ZNF384: variants seen among roughly 807,000 people sequenced by gnomAD.
ZNF384 encodes the protein zinc finger protein 384.
ZNF384 carries 20 observed loss-of-function variants against 65.0 expected under a neutral mutation model. The observed-to-expected ratio is 0.31, with a 90% CI of 0.22 to 0.45. The LOEUF is 0.45. Among genes scored for constraint, ZNF384 ranks in the 20% least tolerant of loss-of-function variants. ZNF384 has a pLI of 1.00. For missense variants in ZNF384, 549 were observed against 769.4 expected (o/e 0.71, Z 3.39); for synonymous variants, 310 against 303.9 (o/e 1.02, Z -0.21).
intron 2 of ZNF384, among the ~76,000 whole-genome samples, chr12:6,687,158 T>C (rs1169618021): frequency 6.6e-6 from 1 of 152,164 alleles, no homozygotes; most frequent in Non-Finnish European, 1.5e-5. Context: ...CCAGTATCCA[T>C]AAACTCTTCC....
At chr12:6,675,802 A>T (rs898763201) in intron 7 of ZNF384, among the ~76,000 whole-genome samples, 1 of 152,138 alleles carries the variant, frequency 6.6e-6, no homozygotes, top group Non-Finnish European at 1.5e-5. Context: ...AAATATTCTG[A>T]CTTTGCCTCA....
rs182324460 is a variant in ZNF384, at chr12:6,673,651, G to C, written c.780-211C>G. On this transcript the variant is annotated intron_variant, in intron 7 of 11. Coordinates refer to ENST00000683879, the MANE Select transcript of ZNF384 (RefSeq NM_001385745.1). The surrounding 1 kb of genome is among the most constrained non-coding windows in gnomAD (Gnocchi z 4.7). ...TCAATAAATGTTTGCTGAATGACTGGACTGCCTCCATGTGCAAAAATGTAT... is the reference window on the plus strand; with the variant it reads ...TCAATAAATGTTTGCTGAATGACTGCACTGCCTCCATGTGCAAAAATGTAT... Among the ~76,000 whole-genome samples the C allele has an allele frequency of 6.6e-6, 1 of 152,198 alleles. No homozygotes were observed. Among genetic ancestry groups the C allele is most frequent in the Admixed American group, 6.5e-5 (1 of 15,284 alleles).
chr12:6,672,662 C>T lies in ZNF384; in HGVS notation c.1005-130G>A, dbSNP rs1951966320. 1.1e-6 allele frequency: 1 copy of T among 878,516 alleles called. No homozygotes were observed. Among genetic ancestry groups the T allele is most frequent in the African/African-American group, 1.7e-5 (1 of 59,360 alleles). The allele number at this position is 878,516 out of a possible 1,614,324, so 54.4% of individuals were successfully genotyped here. A position where few individuals can be genotyped will look rare whatever the true frequency, so the allele number is the denominator to read the frequency against. Reference sequence around the variant, plus strand: ...CCCTTCCTCCCTCCTCCCAAAAACACTCCAGCCTGGATAGGCAAATGAAGA... The same window carrying T: ...CCCTTCCTCCCTCCTCCCAAAAACATTCCAGCCTGGATAGGCAAATGAAGA... On this transcript the variant is annotated intron_variant, in intron 8 of 11. Coordinates refer to ENST00000683879, the MANE Select transcript of ZNF384 (RefSeq NM_001385745.1). The surrounding 1 kb of genome is among the most constrained non-coding windows in gnomAD (Gnocchi z 4.4).
At position 6,678,260 on chromosome 12, in the gene ZNF384, T is replaced by C. The variant is rs534014544; in HGVS notation, c.553A>G (p.Ser185Gly). ...CCCCGGGGTGGCTTAGGAGCCACACTGCCACCTCCACCACCACCTCCGCCT... is the reference window on the plus strand; with the variant it reads ...CCCCGGGGTGGCTTAGGAGCCACACCGCCACCTCCACCACCACCTCCGCCT... ...EGGGGGGGGGSVAPKPPRGRK... is the reference protein window; with the variant it reads ...EGGGGGGGGGGVAPKPPRGRK... Residue 185 changes from serine (S) to glycine (G), a missense_variant, in exon 6 of 12, where the codon AGT (serine) becomes GGT (glycine). This residue lies in a region of ZNF384 where 277 missense variants were observed against 337.2 expected (regional missense o/e 0.82). Coordinates refer to ENST00000683879, the MANE Select transcript of ZNF384 (RefSeq NM_001385745.1). The surrounding 1 kb of genome is among the most constrained non-coding windows in gnomAD (Gnocchi z 4.9). 6.3e-5 allele frequency: 101 copies of C among 1,614,182 alleles called. No individual in the cohort carries two copies. The highest frequency in any genetic ancestry group is 8.5e-5 in the Non-Finnish European group (100 of 1,180,040).
chr12:6,676,662 C>T (rs1028721640), intron 7 of ZNF384, among the ~76,000 whole-genome samples: 15 of 152,218 alleles, frequency 9.9e-5, no homozygotes, highest in Admixed American at 9.2e-4. Flanking sequence ...CTCCATCTCA[C>T]AATGGCCTCA....
chr12:6,667,530 G>T lies in ZNF384; in HGVS notation c.*184C>A. The T allele has an allele frequency of 1.2e-6, 1 of 813,008 alleles. No homozygotes were observed. The highest frequency in any genetic ancestry group is 2.1e-6 in the Non-Finnish European group (1 of 477,990). 50.4% of individuals were successfully genotyped at this position (813,008 alleles called of 1,614,324 possible). On this transcript the variant is annotated 3_prime_UTR_variant, in exon 12 of 12. Transcript: ENST00000683879. ...GTATTCCTTTGCAATCAGGAGGGCT[G>T]ATGTTCCTTTTGAAGAAGAGTTCAG...
In ZNF384 at chr12:6,672,379, G is replaced by A. The variant is rs781734491; in HGVS notation, c.1158C>T (p.Arg386=). ...YNCSYCQKAF[R]QLSHLQQHTR... is the part of the protein sequence containing the mutation. ...TGTGCTGCTGGAGGTGGGAGAGCTGGCGGAAGGCCTTCTGGCAGTAGGAAC... is the reference window on the plus strand; with the variant it reads ...TGTGCTGCTGGAGGTGGGAGAGCTGACGGAAGGCCTTCTGGCAGTAGGAAC... The change falls in exon 9 of 12, where the codon CGC becomes CGT. Residue 386 remains arginine (R), a synonymous_variant. Transcript: ENST00000683879. The surrounding 1 kb of genome is among the most constrained non-coding windows in gnomAD (Gnocchi z 4.4). 1 of 1,614,068 alleles carries A rather than the reference G, an allele frequency of 6.2e-7. No homozygotes were observed. The highest frequency in any genetic ancestry group is 8.5e-7 in the Non-Finnish European group (1 of 1,179,904).
Position 6,673,156 on chromosome 12 carries a change from C to T in ZNF384, c.1004+60G>A. 1 of 1,483,502 alleles carries T rather than the reference C, an allele frequency of 6.7e-7. No homozygotes were observed. Among genetic ancestry groups the T allele is most frequent in the Non-Finnish European group, 9.3e-7 (1 of 1,074,286 alleles). 91.9% of individuals were successfully genotyped at this position (1,483,502 alleles called of 1,614,324 possible). A position where few individuals can be genotyped will look rare whatever the true frequency, so the allele number is the denominator to read the frequency against. ...ATACATGTGGAGAGAGGAGTAGGTGCAGGCAACATGGTCTTAGGGTTCACG... is the reference window on the plus strand; with the variant it reads ...ATACATGTGGAGAGAGGAGTAGGTGTAGGCAACATGGTCTTAGGGTTCACG... On this transcript the variant is annotated intron_variant, in intron 8 of 11. Coordinates refer to ENST00000683879, the MANE Select transcript of ZNF384 (RefSeq NM_001385745.1). This position sits in a 1 kb window ranked among gnomAD's most constrained non-coding sequence, Gnocchi z 4.7.
In ZNF384 at chr12:6,672,982, A is replaced by G. The variant is rs942098358; in HGVS notation, c.1004+234T>C. On this transcript the variant is annotated intron_variant, in intron 8 of 11. Transcript: ENST00000683879. This position sits in a 1 kb window ranked among gnomAD's most constrained non-coding sequence, Gnocchi z 4.4. ...CTCTGCAGAAGATTTCCAAACACAGACACAGAGAGAAACCACAAAAATTGT... is the reference window on the plus strand; with the variant it reads ...CTCTGCAGAAGATTTCCAAACACAGGCACAGAGAGAAACCACAAAAATTGT... 5 of 546,588 alleles carry G rather than the reference A, an allele frequency of 9.1e-6. No individual in the cohort carries two copies. The highest frequency in any genetic ancestry group is 1.6e-5 in the Non-Finnish European group (5 of 304,286). 33.9% of individuals were successfully genotyped at this position (546,588 alleles called of 1,614,324 possible).
intron 2 of ZNF384, among the ~76,000 whole-genome samples, chr12:6,682,397 G>A (rs886161932): frequency 1.1e-4 from 16 of 151,998 alleles, no homozygotes; most frequent in Non-Finnish European, 1.9e-4. Context: ...GGTGGCTCAT[G>A]TGTGTAATCC....
In ZNF384 at chr12:6,667,329, C is replaced by G; in HGVS notation, c.*385G>C. The G allele has an allele frequency of 2.6e-6, 1 of 386,806 alleles. No individual in the cohort carries two copies. The highest frequency in any genetic ancestry group is 3.8e-5 in the Admixed American group (1 of 26,514). The allele number at this position is 386,806 out of a possible 1,614,324, so 24.0% of individuals were successfully genotyped here. ...CCTTTTCTCTGTTATCTGGGAGGGC[C>G]AGCCTCTAGTCTTACATCAGCCCAA... On this transcript the variant is annotated 3_prime_UTR_variant, in exon 12 of 12. Transcript: ENST00000683879.
At chr12:6,680,517 A>T (rs1404787194) in intron 2 of ZNF384, among the ~76,000 whole-genome samples, 2 of 151,890 alleles carry the variant, frequency 1.3e-5, no homozygotes, top group African/African-American at 2.4e-5. Flanking sequence ...GCGTGGTGGC[A>T]CATGCCTGTG....
In ZNF384 at chr12:6,678,691, C is replaced by A; in HGVS notation, c.324G>T (p.Arg108Ser). The change falls in exon 5 of 12, where the codon AGG (arginine) becomes AGT (serine). Residue 108 changes from arginine to serine, a missense_variant. By Grantham distance (110) the Arg-to-Ser change is moderately radical (BLOSUM62 -1). Around this residue, in one of 5 missense-constraint regions of ZNF384, gnomAD observed 277 missense variants for 337.2 expected, o/e 0.82. Transcript: ENST00000683879. The surrounding 1 kb of genome is among the most constrained non-coding windows in gnomAD (Gnocchi z 4.9). ...LMTAGVSCSQ[R>S]WRREGSQSRG... Reference sequence around the variant, plus strand: ...TTGATTGACTCCCTTCTCTTCTCCACCTCTGAGAACAGGAGACTCCTTGAT... The same window carrying A: ...TTGATTGACTCCCTTCTCTTCTCCAACTCTGAGAACAGGAGACTCCTTGAT... The A allele has an allele frequency of 6.2e-7, 1 of 1,614,060 alleles. No individual in the cohort carries two copies. The highest frequency in any genetic ancestry group is 8.5e-7 in the Non-Finnish European group (1 of 1,180,004).
intron 2 of ZNF384, among the ~76,000 whole-genome samples, chr12:6,687,547 G>C (rs1246613323): frequency 6.6e-6 from 1 of 152,118 alleles, no homozygotes; most frequent in Non-Finnish European, 1.5e-5. Context: ...TCCACTCACT[G>C]TCATTTTCAG....
chr12:6,678,454 C>A lies in ZNF384; in HGVS notation c.359G>T (p.Gly120Val). Residue 120 changes from glycine (G) to valine (V), a missense_variant, in exon 6 of 12, where the codon GGT becomes GTT. This residue lies in a region of ZNF384 where 277 missense variants were observed against 337.2 expected (regional missense o/e 0.82). Coordinates refer to ENST00000683879, the MANE Select transcript of ZNF384 (RefSeq NM_001385745.1). The surrounding 1 kb of genome is among the most constrained non-coding windows in gnomAD (Gnocchi z 4.9). Reference sequence around the variant, plus strand: ...GCCTGAGGGGGACGTGATTACCAAACCCGGACCTAGGATTGGGAGAAAAAG... The same window carrying A: ...GCCTGAGGGGGACGTGATTACCAAAACCGGACCTAGGATTGGGAGAAAAAG... ...RREGSQSRGP[G>V]LVITSPSGSL... 1 of 1,581,450 alleles carries A rather than the reference C, an allele frequency of 6.3e-7. No homozygotes were observed. Among genetic ancestry groups the A allele is most frequent in the Non-Finnish European group, 8.6e-7 (1 of 1,162,884 alleles).
In ZNF384 at chr12:6,672,615, T is replaced by C; in HGVS notation, c.1005-83A>G. 3 of 1,405,416 alleles carry C rather than the reference T, an allele frequency of 2.1e-6. No individual in the cohort carries two copies. Among genetic ancestry groups the C allele is most frequent in the Non-Finnish European group, 2.9e-6 (3 of 1,021,896 alleles). The allele number at this position is 1,405,416 out of a possible 1,614,324, so 87.1% of individuals were successfully genotyped here. ...CAGCTCTCTGCTGGGTGAAATGACG[T>C]TGCTTGACGGATGAGAGCACCCCCT... is the stretch of plus-strand genomic sequence containing the variant. On this transcript the variant is annotated intron_variant, in intron 8 of 11. Transcript: ENST00000683879. The surrounding 1 kb of genome is among the most constrained non-coding windows in gnomAD (Gnocchi z 4.4).
chr12:6,668,083 G>A lies in ZNF384; in HGVS notation c.1458C>T (p.His486=), dbSNP rs1440055573. The stretch of plus-strand genomic sequence containing the variant: ...CCTGTTGCTGAAGATCAGGCGGGTT[G>A]TGTTTGCGCATATGTTTCATAAGGT... ...ETYLMKHMRK[H]NPPDLQQQVQ... Residue 486 remains histidine, a synonymous_variant, in exon 12 of 12, where the codon CAC becomes CAT. Transcript: ENST00000683879. 6.2e-7 allele frequency: 1 copy of A among 1,607,390 alleles called. No homozygotes were observed. The highest frequency in any genetic ancestry group is 8.5e-7 in the Non-Finnish European group (1 of 1,175,922).
Position 6,666,539 on chromosome 12 carries a change from T to G in ZNF384, c.*1175A>C, listed in dbSNP as rs1349795742. On this transcript the variant is annotated 3_prime_UTR_variant, in exon 12 of 12. Coordinates refer to ENST00000683879, the MANE Select transcript of ZNF384 (RefSeq NM_001385745.1). ...AAACACCCCTTGGTTTGTACATAAGTTTTTTTCTTTTTTTCTTCATTTTTA... is the reference window on the plus strand; with the variant it reads ...AAACACCCCTTGGTTTGTACATAAGGTTTTTTCTTTTTTTCTTCATTTTTA... The G allele has an allele frequency of 6.2e-6, 1 of 161,562 alleles. No individual in the cohort carries two copies. The highest frequency in any genetic ancestry group is 1.3e-5 in the Non-Finnish European group (1 of 74,180). 10.0% of individuals were successfully genotyped at this position (161,562 alleles called of 1,614,324 possible).
At position 6,678,537 on chromosome 12, in the gene ZNF384, A is replaced by G. The variant is rs1157607167; in HGVS notation, c.353-77T>C. 3.3e-6 allele frequency: 5 copies of G among 1,523,376 alleles called. No homozygotes were observed. Among genetic ancestry groups the G allele is most frequent in the Non-Finnish European group, 3.6e-6 (4 of 1,113,858 alleles). 94.4% of individuals were successfully genotyped at this position (1,523,376 alleles called of 1,614,324 possible). The stretch of plus-strand genomic sequence containing the variant: ...AATCCTATTTCATTTCCCCCAGATC[A>G]TTGTCTAATTAACCCCTCACCCCCC... On this transcript the variant is annotated intron_variant, in intron 5 of 11. Coordinates refer to ENST00000683879, the MANE Select transcript of ZNF384 (RefSeq NM_001385745.1). The surrounding 1 kb of genome is among the most constrained non-coding windows in gnomAD (Gnocchi z 4.9).
Sources: allele counts gnomAD v4.1 joint callset (sites outside exome capture counted in the v4.1 genomes callset), GRCh38; gene constraint gnomAD v4.1.1; regional missense constraint gnomAD v4.1.1; non-coding constraint Gnocchi (gnomAD v3.1); transcripts MANE v1.5; gene names NCBI Gene and HGNC (gene_info 2026-07-23, HGNC 2026-07-21).